The following CCDC88A variants were observed in gnomAD, a reference collection of about 807,000 sequenced individuals.
The protein encoded by CCDC88A is coiled-coil and HOOK domain protein 88A.
A neutral mutation model predicts 234.3 loss-of-function variants in CCDC88A; 54 were observed. The observed-to-expected ratio is 0.23, with a 90% confidence interval of 0.19 to 0.29. The LOEUF (loss-of-function observed/expected upper bound fraction) is 0.29. Ranked by LOEUF, CCDC88A falls within the 10% of genes least tolerant of loss-of-function variation. The pLI is 1.00. For missense variants in CCDC88A, 1,832 were observed against 2,123.4 expected (o/e 0.86, Z 2.70); for synonymous variants, 753 against 737.8 (o/e 1.02, Z -0.33).
At position 55,301,282 on chromosome 2, in the gene CCDC88A, A is replaced by G. The variant is rs752805404; in HGVS notation, c.4673-5T>C. The G allele has an allele frequency of 6.8e-7, 1 of 1,475,758 alleles. No individual in the cohort carries two copies. Among genetic ancestry groups the G allele is most frequent in the African/African-American group, 1.4e-5 (1 of 70,906 alleles). The allele number at this position is 1,475,758 out of a possible 1,614,324, so 91.4% of individuals were successfully genotyped here. On this transcript the variant is annotated splice_region_variant and splice_polypyrimidine_tract_variant and intron_variant, in intron 27 of 32. Coordinates refer to ENST00000436346, the MANE Select transcript of CCDC88A (RefSeq NM_001365480.1). ...TGTCTTCAAAGGATGTAGTATCTACATAAAATAGCAAAATGGATATAAAGA... is the reference window on the plus strand; with the variant it reads ...TGTCTTCAAAGGATGTAGTATCTACGTAAAATAGCAAAATGGATATAAAGA...
At chr2:55,418,251 C>G (rs1307758991) in intron 2 of CCDC88A, 1 of 152,376 alleles carries the variant, frequency 6.6e-6, no homozygotes, top group Non-Finnish European at 1.5e-5. Context: ...ATTAAGCAAC[C>G]TAATAATTCA....
chr2:55,403,060 CT>C (rs2104951286), intron 2 of CCDC88A, among the ~76,000 whole-genome samples: 2 of 152,066 alleles, frequency 1.3e-5, no homozygotes, highest in South Asian at 4.1e-4. Flanking sequence ...TCAGAAAAGT[CT>C]TTAAATATTG....
chr2:55,318,846 A>C lies in CCDC88A; in HGVS notation c.3321T>G (p.Leu1107=), dbSNP rs767049109. The change falls in exon 19 of 33, where the codon CTT becomes CTG. Residue 1107 remains leucine (L), a synonymous_variant. Coordinates refer to ENST00000436346, the MANE Select transcript of CCDC88A (RefSeq NM_001365480.1). The part of the protein sequence containing the change: ...NTTLQTQNAK[L]QVENSTLNSQ... ...TCCCAAAATATTATATTACAACCTG[A>C]AGCTTGGCATTCTGTGTTTGAAGAG... The C allele has an allele frequency of 1.8e-5, 29 of 1,592,534 alleles. No individual in the cohort carries two copies. Among genetic ancestry groups the C allele is most frequent in the Non-Finnish European group, 2.2e-5 (26 of 1,166,468 alleles).
chr2:55,301,889 T>C lies in CCDC88A; in HGVS notation c.4655A>G (p.Gln1552Arg). 2 of 1,614,138 alleles carry C rather than the reference T, an allele frequency of 1.2e-6. No individual in the cohort carries two copies. Among genetic ancestry groups the C allele is most frequent in the Non-Finnish European group, 1.7e-6 (2 of 1,180,010 alleles). The change falls in exon 27 of 33, where the codon CAG becomes CGG. Residue 1552 changes from glutamine (Q) to arginine (R), a missense_variant. Around this residue, in one of 6 missense-constraint regions of CCDC88A, gnomAD observed 422 missense variants for 416.5 expected, o/e 1.01. Transcript: ENST00000436346. ...VNSSAGFRSK[Q>R]LVNNKDTTSF... ...GCCTATACCTTTATTATTAACCAACTGCTTGGATCTGAAGCCTGCAGAAGA... is the reference window on the plus strand; with the variant it reads ...GCCTATACCTTTATTATTAACCAACCGCTTGGATCTGAAGCCTGCAGAAGA...
Position 55,378,524 on chromosome 2 carries a change from C to G in CCDC88A, c.274-3641G>C, listed in dbSNP as rs956018704. Among the ~76,000 whole-genome samples, 3 of 151,748 alleles carry G rather than the reference C, an allele frequency of 2.0e-5. No homozygotes were observed. The South Asian group carries it at 6.3e-4, about 32-fold the overall frequency. On this transcript the variant is annotated intron_variant, in intron 3 of 32. Coordinates refer to ENST00000436346, the MANE Select transcript of CCDC88A (RefSeq NM_001365480.1). ...TTTTGGGAGAGGGTAGGAAGTGAAA[C>G]AAAAGTAAAAAGTTTCAAAAATGAT...
intron 2 of CCDC88A, among the ~76,000 whole-genome samples, chr2:55,395,640 A>G (rs1333006823): frequency 6.6e-6 from 1 of 152,262 alleles, no homozygotes; most frequent in Non-Finnish European, 1.5e-5. Context: ...ATTGCTTTCT[A>G]TCGAAAGTTA....
chr2:55,333,732 G>A (rs1574150603), intron 15 of CCDC88A, among the ~76,000 whole-genome samples: 1 of 151,848 alleles, frequency 6.6e-6, no homozygotes, highest in East Asian at 1.9e-4. Context: ...GAAGTTTTTA[G>A]CCCAGTACTT....
intron 8 of CCDC88A, among the ~76,000 whole-genome samples, chr2:55,353,597 G>C (rs1211756896): frequency 2.1e-5 from 3 of 143,062 alleles, no homozygotes; most frequent in Non-Finnish European, 3.0e-5. Flanking sequence ...GCTACACTGT[G>C]GTTTTAAATT....
chr2:55,377,672 T>C (rs1202930325), intron 3 of CCDC88A, among the ~76,000 whole-genome samples: 1 of 152,054 alleles, frequency 6.6e-6, no homozygotes, highest in Non-Finnish European at 1.5e-5. Context: ...TGCAATGGCA[T>C]CATCTCGGTT....
chr2:55,317,185 T>C lies in CCDC88A; in HGVS notation c.3746+21A>G, dbSNP rs1209694968. The stretch of plus-strand genomic sequence containing the variant: ...TACTTTCTATATAAAATGTTTGTTA[T>C]ATATAATATATATTTATTACCTATC... On this transcript the variant is annotated intron_variant, in intron 21 of 32. Coordinates refer to ENST00000436346, the MANE Select transcript of CCDC88A (RefSeq NM_001365480.1). This position sits in a 1 kb window ranked among gnomAD's most constrained non-coding sequence, Gnocchi z 4.2. The C allele has an allele frequency of 1.0e-5, 11 of 1,068,486 alleles. No homozygotes were observed. Among genetic ancestry groups the C allele is most frequent in the Admixed American group, 9.5e-5 (3 of 31,698 alleles). The allele number at this position is 1,068,486 out of a possible 1,614,324, so 66.2% of individuals were successfully genotyped here.
chr2:55,295,791 T>G lies in CCDC88A; in HGVS notation c.5357A>C (p.Glu1786Ala), dbSNP rs756561969. The change falls in exon 31 of 33, where the codon GAA (glutamate) becomes GCA (alanine). Residue 1786 changes from glutamate (E) to alanine (A), a missense_variant. By Grantham distance (107) the Glu-to-Ala change is moderately radical (BLOSUM62 -1). Coordinates refer to ENST00000436346, the MANE Select transcript of CCDC88A (RefSeq NM_001365480.1). ...GTQGKIKLVK[E>A]SSLSRQSKDS... ...TTTTGATTGTCGTGACAGAGAAGATTCTTTTACTAATTTTATTTTTCCTTG... is the reference window on the plus strand; with the variant it reads ...TTTTGATTGTCGTGACAGAGAAGATGCTTTTACTAATTTTATTTTTCCTTG... 2 of 1,614,210 alleles carry G rather than the reference T, an allele frequency of 1.2e-6. No individual in the cohort carries two copies. Among genetic ancestry groups the G allele is most frequent in the Admixed American group, 3.3e-5 (2 of 60,030 alleles).
At position 55,328,267 on chromosome 2, in the gene CCDC88A, A is replaced by T. The variant is rs945587847; in HGVS notation, c.2997+27T>A. 2 of 1,510,008 alleles carry T rather than the reference A, an allele frequency of 1.3e-6. No homozygotes were observed. The highest frequency in any genetic ancestry group is 1.4e-5 in the African/African-American group (1 of 70,558). The allele number at this position is 1,510,008 out of a possible 1,614,324, so 93.5% of individuals were successfully genotyped here. A position where few individuals can be genotyped will look rare whatever the true frequency, so the allele number is the denominator to read the frequency against. On this transcript the variant is annotated intron_variant, in intron 17 of 32. Transcript: ENST00000436346. This position sits in a 1 kb window ranked among gnomAD's most constrained non-coding sequence, Gnocchi z 4.3. ...AATATTTATATAATAAATGATCCTT[A>T]AAATTCTTTCCAAGAAAATCACTTA...
intron 26 of CCDC88A, 52 bp from the exon 27 acceptor site, chr2:55,302,124 T>A: frequency 4.9e-6 from 7 of 1,429,414 alleles, no homozygotes; most frequent in Non-Finnish European, 6.9e-6. Flanking sequence ...TATTTGTTCT[T>A]ATTTCTATTT....
chr2:55,417,543 T>C (rs1243098941), intron 2 of CCDC88A: 6 of 152,052 alleles, frequency 3.9e-5, no homozygotes, highest in Non-Finnish European at 8.8e-5. Flanking sequence ...TACGCTCTTT[T>C]TTCCTTTCTT....
chr2:55,365,812 T>A (rs773569938), intron 5 of CCDC88A, among the ~76,000 whole-genome samples: 1 of 152,162 alleles, frequency 6.6e-6, no homozygotes, highest in African/African-American at 2.4e-5. Flanking sequence ...GAATAAAATA[T>A]TCACACTTTG....
chr2:55,375,292 A>T (rs1673449683), intron 3 of CCDC88A, among the ~76,000 whole-genome samples: 1 of 151,988 alleles, frequency 6.6e-6, no homozygotes, highest in African/African-American at 2.4e-5. Context: ...TCTAATTATT[A>T]TTTGGAAATC....
chr2:55,341,144 T>C (rs57919375), intron 12 of CCDC88A, among the ~76,000 whole-genome samples: 77 of 121,830 alleles, frequency 6.3e-4, no homozygotes, highest in South Asian at 3.4e-3. Flanking sequence ...TTCTTTCTTT[T>C]TTTTTTTTTT....
chr2:55,318,453 T>C (rs1683228615), intron 19 of CCDC88A, among the ~76,000 whole-genome samples: 1 of 152,056 alleles, frequency 6.6e-6, no homozygotes, highest in Admixed American at 6.5e-5. Context: ...TCCTTTGAAC[T>C]TAGGAGAGGT....
At position 55,301,191 on chromosome 2, in the gene CCDC88A, G is replaced by A. The variant is rs2104570614; in HGVS notation, c.4744+15C>T. ...TATTTAATGTGTACTCTCTAAATAA[G>A]GTTCATTATCTTACCATGAACTCTT... On this transcript the variant is annotated intron_variant, in intron 28 of 32. Coordinates refer to ENST00000436346, the MANE Select transcript of CCDC88A (RefSeq NM_001365480.1). 6.8e-6 allele frequency: 10 copies of A among 1,475,818 alleles called. No individual in the cohort carries two copies. Among genetic ancestry groups the A allele is most frequent in the Non-Finnish European group, 8.5e-6 (9 of 1,060,644 alleles). The allele number at this position is 1,475,818 out of a possible 1,614,324, so 91.4% of individuals were successfully genotyped here. A position where few individuals can be genotyped will look rare whatever the true frequency, so the allele number is the denominator to read the frequency against.
Sources: gnomAD v4.1 joint callset for allele counts (sites outside exome capture counted in the v4.1 genomes callset) on GRCh38, gnomAD v4.1.1 for gene constraint, gnomAD v4.1.1 regional missense constraint, Gnocchi (gnomAD v3.1) non-coding constraint, MANE v1.5 for transcripts, NCBI Gene and HGNC (gene_info 2026-07-23, HGNC 2026-07-21) for gene names.